NXPE2: variants seen among roughly 807,000 people sequenced by gnomAD.
The protein encoded by NXPE2 is NXPE family member 2.
A neutral mutation model predicts 34.4 loss-of-function variants in NXPE2; 34 were observed. That is an observed-to-expected ratio of 0.99 (90% CI 0.75 to 1.31). NXPE2 has a LOEUF of 1.31. Among genes scored for constraint, NXPE2 ranks in the 40% most tolerant of loss-of-function variants. The pLI is 0.00. For missense variants in NXPE2, 649 were observed against 672.5 expected, an observed-to-expected ratio of 0.97 and a Z score of 0.39; for synonymous variants, 235 against 231.3, an observed-to-expected ratio of 1.02 and a Z score of -0.15.
chr11:114,806,581 G>T, the NXPE2 span, among the ~76,000 whole-genome samples: 2 of 152,228 alleles, frequency 1.3e-5, no homozygotes, highest in Admixed American at 6.5e-5. Flanking sequence ...CGATCAACTG[G>T]AAGAAAGGGT....
chr11:114,759,091 T>C, the NXPE2 span, among the ~76,000 whole-genome samples: 115,345 of 143,662 alleles, frequency 0.8, 43,922 homozygotes, highest in East Asian at 0.92. Flanking sequence ...TGCGTACACA[T>C]GCGCACACAC....
the NXPE2 span, among the ~76,000 whole-genome samples, chr11:114,729,595 T>C: frequency 6.6e-6 from 1 of 152,052 alleles, no homozygotes; most frequent in Non-Finnish European, 1.5e-5. Context: ...TTTTTAATAA[T>C]AGTCACTCTG....
the NXPE2 span, among the ~76,000 whole-genome samples, chr11:114,602,172 TATACTATATACATTATATATAATATATA>T: frequency 9.3e-6 from 1 of 107,548 alleles, no homozygotes; most frequent in Non-Finnish European, 1.7e-5. Context: ...TATAATATAT[TATACTATATACATTATATATAATATATA>T]ATACTATATA....
chr11:114,524,992 T>C, the NXPE2 span, among the ~76,000 whole-genome samples: 1 of 152,238 alleles, frequency 6.6e-6, no homozygotes, highest in Non-Finnish European at 1.5e-5. Context: ...CAGATAATTA[T>C]GGTAAATCTT....
chr11:114,676,674 A>C (rs1950861488), upstream of NXPE2, among the ~76,000 whole-genome samples: 1 of 152,070 alleles, frequency 6.6e-6, no homozygotes, highest in Non-Finnish European at 1.5e-5. Flanking sequence ...AAATTAGTAC[A>C]GCCATTTTGG....
the NXPE2 span, among the ~76,000 whole-genome samples, chr11:114,761,502 A>AT: frequency 3.4e-5 from 5 of 147,446 alleles, no homozygotes; most frequent in African/African-American, 1.3e-4. Context: ...CCTGGTTGTG[A>AT]TTTTCCAGCA....
chr11:114,502,454 A>G, the NXPE2 span, among the ~76,000 whole-genome samples: 4 of 152,002 alleles, frequency 2.6e-5, no homozygotes, highest in African/African-American at 9.7e-5. Flanking sequence ...TTCTGTCTTC[A>G]TCTTTGTCTA....
At chr11:114,681,140 A>T (rs1950943489) in intron 2 of NXPE2, among the ~76,000 whole-genome samples, 1 of 152,042 alleles carries the variant, frequency 6.6e-6, no homozygotes, top group Non-Finnish European at 1.5e-5. Flanking sequence ...CTCCATCCAC[A>T]TTGTCTTTCT....
chr11:114,601,119 G>A, the NXPE2 span, among the ~76,000 whole-genome samples: 29 of 151,686 alleles, frequency 1.9e-4, no homozygotes, highest in African/African-American at 7.0e-4. Context: ...TAACTTTAGG[G>A]GCACAAGTGA....
the NXPE2 span, among the ~76,000 whole-genome samples, chr11:114,488,224 T>TGA: frequency 3.3e-5 from 5 of 152,178 alleles, no homozygotes; most frequent in Non-Finnish European, 7.4e-5. Flanking sequence ...CATGACTTAA[T>TGA]ATTGGGAGGT....
At chr11:114,607,618 C>T in the NXPE2 span, among the ~76,000 whole-genome samples, 1 of 151,484 alleles carries the variant, frequency 6.6e-6, no homozygotes, top group South Asian at 2.1e-4. Flanking sequence ...ACCAGTGTTA[C>T]CCGGTGGATA....
chr11:114,487,064 T>C, the NXPE2 span, among the ~76,000 whole-genome samples: 2 of 152,134 alleles, frequency 1.3e-5, no homozygotes, highest in Non-Finnish European at 2.9e-5. Flanking sequence ...AGAAATTGCA[T>C]TGAATCTGAA....
the NXPE2 span, among the ~76,000 whole-genome samples, chr11:114,639,967 AT>A: frequency 5.4e-5 from 4 of 73,862 alleles, no homozygotes; most frequent in Non-Finnish European, 8.1e-5. Context: ...TATTAAATAT[AT>A]TATATATAAT....
the NXPE2 span, among the ~76,000 whole-genome samples, chr11:114,652,919 T>A: frequency 5.3e-5 from 8 of 152,212 alleles, no homozygotes; most frequent in Non-Finnish European, 1.0e-4. Flanking sequence ...GAAATCCAGA[T>A]GATTATGTAA....
chr11:114,645,276 G>A, the NXPE2 span, among the ~76,000 whole-genome samples: 1 of 152,192 alleles, frequency 6.6e-6, no homozygotes, highest in South Asian at 2.1e-4. Context: ...ACTCCAGCCT[G>A]GGTGACAGAG....
chr11:114,692,166 C>G (rs1951165643), intron 2 of NXPE2, among the ~76,000 whole-genome samples: 1 of 152,212 alleles, frequency 6.6e-6, no homozygotes, highest in Non-Finnish European at 1.5e-5. Context: ...GTGGTCACCA[C>G]TGCCAAGTGG....
At chr11:114,528,770 C>T in the NXPE2 span, 16 of 631,432 alleles carry the variant, frequency 2.5e-5, no homozygotes, top group East Asian at 1.9e-4. Flanking sequence ...GACCCAGGTG[C>T]CAAGTATAAC....
the NXPE2 span, among the ~76,000 whole-genome samples, chr11:114,543,770 T>A: frequency 6.6e-6 from 1 of 152,104 alleles, no homozygotes; most frequent in East Asian, 1.9e-4. Flanking sequence ...GAGACATACA[T>A]ATTGGAAAGG....
At chr11:114,480,150 C>T in the NXPE2 span, among the ~76,000 whole-genome samples, 3 of 152,066 alleles carry the variant, frequency 2.0e-5, no homozygotes, top group Non-Finnish European at 1.5e-5. Flanking sequence ...TGGAGGGGGA[C>T]ACACATCCAA....
Sources: allele counts gnomAD v4.1 joint callset (sites outside exome capture counted in the v4.1 genomes callset), GRCh38; gene constraint gnomAD v4.1.1; transcripts MANE v1.5; gene names NCBI Gene and HGNC (gene_info 2026-07-23, HGNC 2026-07-21).